Variants in MGAT5 observed in about 807,000 individuals in gnomAD.
MGAT5 encodes alpha-1,6-mannosylglycoprotein 6-beta-N-acetylglucosaminyltransferase A.
MGAT5 carries 30 observed loss-of-function variants against 94.3 expected under a neutral mutation model. The ratio of observed to expected loss-of-function variants is 0.32; its 90% CI spans 0.24 to 0.43. The LOEUF is 0.43. Ranked by LOEUF, MGAT5 falls within the 20% of genes least tolerant of loss-of-function variation. The pLI is 1.00. For synonymous variants in MGAT5, 310 were observed against 322.9 expected, an observed-to-expected ratio of 0.96 and a Z score of 0.43; for missense variants, 691 against 905.5, an observed-to-expected ratio of 0.76 and a Z score of 3.04.
rs59026836 is a variant in MGAT5, at chr2:134,135,690, C to CAAAAA, written c.-143+15419_-143+15423dup. On this transcript the variant is annotated intron_variant, in intron 1 of 16. Transcript: ENST00000409645. ...CTGGCAACAGAGTGAGACTCCATCTCAAAAAAAAAAAAAAAAAAAAAAAAG... is the reference window on the plus strand; with the variant it reads ...CTGGCAACAGAGTGAGACTCCATCTCAAAAAAAAAAAAAAAAAAAAAAAAAAAAAG... Among the ~76,000 whole-genome samples, 44 of 41,622 alleles carry CAAAAA rather than the reference C, an allele frequency of 1.1e-3. 1 individual carries two copies. The highest frequency in any genetic ancestry group is 1.2e-3 in the Non-Finnish European group (29 of 23,346). 27.3% of individuals were successfully genotyped at this position (41,622 alleles called of 152,430 possible). A position where few individuals can be genotyped will look rare whatever the true frequency, so the allele number is the denominator to read the frequency against.
Position 134,190,755 on chromosome 2 carries a change from CCCA to C in MGAT5, c.-142-63505_-142-63503del, listed in dbSNP as rs1689326708. Among the ~76,000 whole-genome samples, 3 of 152,220 alleles carry C rather than the reference CCCA, an allele frequency of 2.0e-5. No homozygotes were observed. In the South Asian group the frequency reaches 6.2e-4, roughly 32 times the overall value. Reference sequence around the variant, plus strand: ...AACCTCCCCAGGCTCAGGTGATACTCCCACGTCAGCCTCCCGAGTAGCTAGGAC... The same window carrying C: ...AACCTCCCCAGGCTCAGGTGATACTCCGTCAGCCTCCCGAGTAGCTAGGAC... On this transcript the variant is annotated intron_variant, in intron 1 of 16. Coordinates refer to the MGAT5 transcript ENST00000409645.
chr2:134,326,913 T>C (rs948723744), intron 4 of MGAT5, among the ~76,000 whole-genome samples: 18 of 152,014 alleles, frequency 1.2e-4, no homozygotes, highest in African/African-American at 3.6e-4. Flanking sequence ...TAGCAGGCAG[T>C]GGGAAGAGAA....
rs75650792 is a variant in MGAT5 at position 134,341,024 on chromosome 2, G to C, written c.808-566G>C. 3.5e-4 allele frequency among the ~76,000 whole-genome samples: 54 copies of C among 152,238 alleles called. No homozygotes were observed. In the East Asian group the frequency reaches 0.01, roughly 29 times the overall value. ...GTTCAAGTTATATTTTTCAAGTGAA[G>C]GTTTGTTCCTTTTAGGGATACATAC... is the stretch of plus-strand genomic sequence containing the variant. On this transcript the variant is annotated intron_variant, in intron 6 of 15. Coordinates refer to ENST00000281923, the MANE Select transcript of MGAT5 (RefSeq NM_002410.5).
At chr2:134,368,081 C>T (rs1680548779) in intron 10 of MGAT5, among the ~76,000 whole-genome samples, 1 of 152,196 alleles carries the variant, frequency 6.6e-6, no homozygotes, top group South Asian at 2.1e-4. Context: ...AGGCTCTGAC[C>T]TCTCCTCTTG....
chr2:134,362,109 T>C (rs1037158682), intron 9 of MGAT5, among the ~76,000 whole-genome samples, 166 bp from the exon 10 acceptor site: 1 of 152,232 alleles, frequency 6.6e-6, no homozygotes, highest in African/African-American at 2.4e-5. Context: ...TTACTGGGAA[T>C]GTGTGGGAGA....
At chr2:134,445,297 T>C (rs898343240) in intron 15 of MGAT5, among the ~76,000 whole-genome samples, 2 of 151,956 alleles carry the variant, frequency 1.3e-5, no homozygotes, top group Non-Finnish European at 2.9e-5. Context: ...CCTGAACTTT[T>C]TGGTAGAAGG....
At chr2:134,273,890 C>T (rs896552726) in intron 2 of MGAT5, among the ~76,000 whole-genome samples, 1 of 152,132 alleles carries the variant, frequency 6.6e-6, no homozygotes, top group African/African-American at 2.4e-5. Context: ...TTTTTAAAAT[C>T]CCCACCCTTC....
intron 1 of MGAT5, among the ~76,000 whole-genome samples, chr2:134,132,395 A>AG (rs781368560): frequency 6.6e-6 from 1 of 152,220 alleles, no homozygotes; most frequent in African/African-American, 2.4e-5. Flanking sequence ...CACATATGGA[A>AG]GTAGGTAACA....
intron 11 of MGAT5, among the ~76,000 whole-genome samples, chr2:134,403,391 A>G (rs537315912): frequency 6.6e-6 from 1 of 152,342 alleles, no homozygotes; most frequent in African/African-American, 2.4e-5. Flanking sequence ...GCAAGGGGCT[A>G]AGGATAAGGC....
At position 134,204,892 on chromosome 2, in the gene MGAT5, ACAGG is replaced by A. The variant is rs776074772; in HGVS notation, c.-142-49365_-142-49362del. On this transcript the variant is annotated intron_variant, in intron 1 of 16. Transcript: ENST00000409645. Reference sequence around the variant, plus strand: ...TCCAAAGTGTTCTGAAAAGACAAAGACAGGCAGGAAAAAAGGGTGGTGAGTGGTT... The same window carrying A: ...TCCAAAGTGTTCTGAAAAGACAAAGACAGGAAAAAAGGGTGGTGAGTGGTT... 1.7e-4 allele frequency among the ~76,000 whole-genome samples: 26 copies of A among 152,322 alleles called. 1 individual carries two copies. The highest frequency in any genetic ancestry group is 7.2e-4 in the Admixed American group (11 of 15,300).
At chr2:134,430,823 C>T (rs1684838767) in intron 14 of MGAT5, among the ~76,000 whole-genome samples, 1 of 152,176 alleles carries the variant, frequency 6.6e-6, no homozygotes, top group Admixed American at 6.5e-5. Flanking sequence ...AGGACAATAG[C>T]TCCAGGTCCC....
intron 1 of MGAT5, among the ~76,000 whole-genome samples, chr2:134,259,924 T>A (rs189528192): frequency 2.9e-4 from 44 of 152,320 alleles, no homozygotes; most frequent in African/African-American, 1.0e-3. Context: ...TGATAGGGTT[T>A]AAAATATCTG....
chr2:134,387,698 G>T (rs1159147823), intron 10 of MGAT5, among the ~76,000 whole-genome samples: 1 of 152,062 alleles, frequency 6.6e-6, no homozygotes, highest in Admixed American at 6.5e-5. Flanking sequence ...GGAAGGAGAA[G>T]AATCATCATT....
chr2:134,124,444 C>G (rs995047455), intron 1 of MGAT5, among the ~76,000 whole-genome samples: 2 of 152,208 alleles, frequency 1.3e-5, no homozygotes, highest in Non-Finnish European at 2.9e-5. Flanking sequence ...TCTAAACATA[C>G]AATCTTCTGG....
At chr2:134,344,816 A>G in intron 7 of MGAT5, 114 bp from the exon 8 acceptor site, 3 of 1,248,994 alleles carry the variant, frequency 2.4e-6, no homozygotes, top group Non-Finnish European at 2.2e-6. Context: ...CCATGCTGTC[A>G]TCTCTAAAAA....
chr2:134,379,869 G>A (rs1681428085), intron 10 of MGAT5, among the ~76,000 whole-genome samples: 1 of 152,248 alleles, frequency 6.6e-6, no homozygotes, highest in Admixed American at 6.5e-5. Context: ...TCTGAGAGCT[G>A]TGTTCTTGTG....
chr2:134,394,719 C>T (rs554795206), intron 10 of MGAT5, among the ~76,000 whole-genome samples: 52 of 152,096 alleles, frequency 3.4e-4, no homozygotes, highest in Non-Finnish European at 2.9e-4. Context: ...GAGGAAGCCC[C>T]GTCACACCTA....
intron 2 of MGAT5, among the ~76,000 whole-genome samples, chr2:134,290,335 G>A (rs1294456170): frequency 6.6e-6 from 1 of 152,222 alleles, no homozygotes; most frequent in Admixed American, 6.5e-5. Context: ...TGCCTAGCAA[G>A]AGCCACTCAG....
At chr2:134,302,762 G>A (rs1282754387) in intron 2 of MGAT5, among the ~76,000 whole-genome samples, 8 of 129,980 alleles carry the variant, frequency 6.2e-5, no homozygotes, top group Admixed American at 3.8e-4. Flanking sequence ...GTGTGTGTGT[G>A]TGTGTGTGTT....
Sources: allele counts gnomAD v4.1 joint callset (sites outside exome capture counted in the v4.1 genomes callset), GRCh38; gene constraint gnomAD v4.1.1; transcripts MANE v1.5; gene names NCBI Gene and HGNC (gene_info 2026-07-23, HGNC 2026-07-21).